MTUS2: variants seen among roughly 807,000 people sequenced by gnomAD.
MTUS2 encodes the protein microtubule-associated tumor suppressor candidate 2.
MTUS2 carries 40 observed loss-of-function variants against 114.1 expected under a neutral mutation model. That is an observed-to-expected ratio of 0.35 (90% CI 0.27 to 0.46). The LOEUF is 0.46. MTUS2 is among the 20% of genes least tolerant of loss of function. MTUS2 has a pLI of 1.00. For missense variants in MTUS2, 1,679 were observed against 1,705.4 expected (o/e 0.98, Z 0.27); for synonymous variants, 688 against 672.0 (o/e 1.02, Z -0.37).
intron 2 of MTUS2, among the ~76,000 whole-genome samples, chr13:28,963,112 G>T (rs1456603129): frequency 6.6e-6 from 1 of 152,158 alleles, no homozygotes; most frequent in Non-Finnish European, 1.5e-5. Context: ...AGCACTTTGG[G>T]AGGCCGAGAC....
At chr13:28,903,038 G>T (rs1879741900) in intron 2 of MTUS2, among the ~76,000 whole-genome samples, 1 of 152,060 alleles carries the variant, frequency 6.6e-6, no homozygotes, top group African/African-American at 2.4e-5. Flanking sequence ...CATATGGATT[G>T]AGTTGTGGTA....
intron 2 of MTUS2, among the ~76,000 whole-genome samples, chr13:28,857,272 A>G (rs1268398120): frequency 1.3e-5 from 2 of 152,270 alleles, no homozygotes; most frequent in Admixed American, 6.5e-5. Flanking sequence ...TCTTAAATGT[A>G]GAAACTTGAC....
At chr13:29,364,716 C>T (rs964762971) in intron 8 of MTUS2, among the ~76,000 whole-genome samples, 4 of 152,186 alleles carry the variant, frequency 2.6e-5, no homozygotes, top group Non-Finnish European at 5.9e-5. Flanking sequence ...CTATTACGTC[C>T]ACCAGCCAAA....
chr13:29,237,545 A>G (rs1896579069), intron 5 of MTUS2, among the ~76,000 whole-genome samples: 1 of 152,076 alleles, frequency 6.6e-6, no homozygotes, highest in Admixed American at 6.6e-5. Context: ...GCTCCCTGTG[A>G]TCTGTTATCT....
intron 2 of MTUS2, among the ~76,000 whole-genome samples, chr13:28,992,548 C>A (rs1433658651): frequency 6.6e-6 from 1 of 152,122 alleles, no homozygotes; most frequent in Non-Finnish European, 1.5e-5. Flanking sequence ...CCCACACTTG[C>A]ATACTTCCAG....
intron 2 of MTUS2, among the ~76,000 whole-genome samples, chr13:28,953,554 C>T (rs889919931): frequency 6.6e-5 from 10 of 152,180 alleles, no homozygotes; most frequent in Admixed American, 6.5e-4. Flanking sequence ...ATGTTTATTG[C>T]AAATATTTTT....
chr13:29,327,916 A>G (rs1439651502), intron 7 of MTUS2, among the ~76,000 whole-genome samples: 1 of 152,066 alleles, frequency 6.6e-6, no homozygotes, highest in Non-Finnish European at 1.5e-5. Context: ...GTCTTTTTTT[A>G]TAGACATTCT....
At chr13:28,986,426 G>A (rs1566271317) in intron 2 of MTUS2, among the ~76,000 whole-genome samples, 2 of 152,296 alleles carry the variant, frequency 1.3e-5, no homozygotes, top group South Asian at 4.1e-4. Flanking sequence ...AGAGGGAAAC[G>A]CAGCAGCTGG....
At position 29,503,312 on chromosome 13, in the gene MTUS2, T is replaced by A; in HGVS notation, c.*106T>A. 8.0e-7 allele frequency: 1 copy of A among 1,253,486 alleles called. No homozygotes were observed. The highest frequency in any genetic ancestry group is 1.1e-6 in the Non-Finnish European group (1 of 888,186). 77.6% of individuals were successfully genotyped at this position (1,253,486 alleles called of 1,614,324 possible). A position where few individuals can be genotyped will look rare whatever the true frequency, so the allele number is the denominator to read the frequency against. On this transcript the variant is annotated 3_prime_UTR_variant, in exon 16 of 16. Coordinates refer to ENST00000612955, the MANE Select transcript of MTUS2 (RefSeq NM_001033602.4). Reference sequence around the variant, plus strand: ...GAGCTGGCCCTGTGCGCATGCTCAGTAGCTGCGAATGCATCCTAGGCGCGT... The same window carrying A: ...GAGCTGGCCCTGTGCGCATGCTCAGAAGCTGCGAATGCATCCTAGGCGCGT...
intron 1 of MTUS2, among the ~76,000 whole-genome samples, chr13:28,825,963 A>G (rs1174620253): frequency 1.3e-5 from 2 of 152,112 alleles, no homozygotes; most frequent in African/African-American, 4.8e-5. Flanking sequence ...TTACTTTGCA[A>G]GCTTCTCTCA....
intron 4 of MTUS2, among the ~76,000 whole-genome samples, chr13:29,096,190 A>G (rs1890171377): frequency 6.6e-6 from 1 of 152,162 alleles, no homozygotes; most frequent in East Asian, 1.9e-4. Context: ...TTTCCCTTGC[A>G]CTGTGAATTC....
At chr13:29,277,190 AC>A (rs1245215829) in intron 5 of MTUS2, among the ~76,000 whole-genome samples, 1 of 152,054 alleles carries the variant, frequency 6.6e-6, no homozygotes, top group East Asian at 1.9e-4. Flanking sequence ...CTTTGGAGAC[AC>A]TTGTTTTGAT....
intron 8 of MTUS2, among the ~76,000 whole-genome samples, chr13:29,389,377 A>ATG (rs1872948327): frequency 1.7e-5 from 1 of 59,912 alleles, no homozygotes; most frequent in Non-Finnish European, 3.3e-5. Context: ...GTGTGTGTAT[A>ATG]TATGTATACA....
At chr13:28,919,970 C>T (rs1474353987) in intron 2 of MTUS2, among the ~76,000 whole-genome samples, 3 of 152,166 alleles carry the variant, frequency 2.0e-5, no homozygotes, top group Admixed American at 6.5e-5. Context: ...TGAATTCCTT[C>T]TCTGTGTTAT....
chr13:29,410,810 T>TG (rs1875172232), intron 8 of MTUS2, among the ~76,000 whole-genome samples: 1 of 106,574 alleles, frequency 9.4e-6, no homozygotes, highest in Non-Finnish European at 1.9e-5. Flanking sequence ...CCCACACTAT[T>TG]GGTTTTGTTT....
chr13:28,827,111 A>G (rs1874322199), intron 1 of MTUS2, among the ~76,000 whole-genome samples: 1 of 152,216 alleles, frequency 6.6e-6, no homozygotes, highest in Non-Finnish European at 1.5e-5. Context: ...TAATTCTTAT[A>G]TTACTATCAG....
intron 5 of MTUS2, among the ~76,000 whole-genome samples, chr13:29,249,794 A>C (rs185574284): frequency 2.2e-4 from 33 of 152,216 alleles, no homozygotes; most frequent in African/African-American, 6.7e-4. Flanking sequence ...CTATTTAATA[A>C]ATGGTTCTGG....
At chr13:28,919,628 T>G (rs1880935691) in intron 2 of MTUS2, among the ~76,000 whole-genome samples, 1 of 152,148 alleles carries the variant, frequency 6.6e-6, no homozygotes. Context: ...GTTTGGCAAT[T>G]TCTCTTATAT....
chr13:28,856,909 A>G (rs879596126), intron 2 of MTUS2, among the ~76,000 whole-genome samples: 2 of 151,882 alleles, frequency 1.3e-5, no homozygotes, highest in Admixed American at 1.3e-4. Flanking sequence ...CAAACCAAAA[A>G]AGCAAGACAC....
Sources: gnomAD v4.1 joint callset for allele counts (sites outside exome capture counted in the v4.1 genomes callset) on GRCh38, gnomAD v4.1.1 for gene constraint, MANE v1.5 for transcripts, NCBI Gene and HGNC (gene_info 2026-07-23, HGNC 2026-07-21) for gene names.